The following MACROD2 variants were observed in gnomAD, a reference collection of about 807,000 sequenced individuals.
The protein encoded by MACROD2 is ADP-ribose glycohydrolase MACROD2.
Under a neutral mutation model 70.4 loss-of-function variants are expected in MACROD2, and 36 were observed. That is an observed-to-expected ratio of 0.51 (90% confidence interval 0.39 to 0.68). MACROD2 has a LOEUF of 0.68. Among genes scored for constraint, MACROD2 ranks in the 30% least tolerant of loss-of-function variants. The pLI, the probability that MACROD2 is intolerant of heterozygous loss-of-function variation, is 0.00. For missense variants in MACROD2, 496 were observed against 538.4 expected (o/e 0.92, Z 0.78); for synonymous variants, 172 against 178.8 (o/e 0.96, Z 0.30).
intron 3 of MACROD2, among the ~76,000 whole-genome samples, chr20:14,122,800 G>C (rs1381638651): frequency 6.6e-6 from 1 of 152,184 alleles, no homozygotes; most frequent in African/African-American, 2.4e-5. Flanking sequence ...TGTTCTCCTT[G>C]ACTTTCCTAT....
At chr20:15,012,114 G>A (rs774834220) in intron 5 of MACROD2, among the ~76,000 whole-genome samples, 1 of 152,242 alleles carries the variant, frequency 6.6e-6, no homozygotes, top group East Asian at 1.9e-4. Flanking sequence ...GAACCCCAAA[G>A]GGTCACAAAA....
intron 8 of MACROD2, among the ~76,000 whole-genome samples, chr20:15,508,699 AATAG>A (rs1171867556): frequency 6.6e-6 from 1 of 152,166 alleles, no homozygotes; most frequent in African/African-American, 2.4e-5. Flanking sequence ...ATAAAACCAA[AATAG>A]ATTGATTAGG....
intron 8 of MACROD2, among the ~76,000 whole-genome samples, chr20:15,513,583 C>T (rs77239432): frequency 0.025 from 3,784 of 152,154 alleles, 56 homozygotes; most frequent in Non-Finnish European, 0.036. Context: ...TGTGCGTGCA[C>T]GTGTGTGAGA....
chr20:14,619,906 C>T (rs1411364741), intron 4 of MACROD2, among the ~76,000 whole-genome samples: 1 of 152,146 alleles, frequency 6.6e-6, no homozygotes, highest in East Asian at 1.9e-4. Flanking sequence ...AGAGCCTCCA[C>T]TGTCTGAAAT....
At chr20:15,435,792 T>G (rs551277955) in intron 7 of MACROD2, among the ~76,000 whole-genome samples, 1 of 152,232 alleles carries the variant, frequency 6.6e-6, no homozygotes, top group South Asian at 2.1e-4. Flanking sequence ...CAAAATATAA[T>G]AACTGATTCA....
At chr20:15,787,363 G>C (rs2051947400) in intron 8 of MACROD2, among the ~76,000 whole-genome samples, 1 of 151,924 alleles carries the variant, frequency 6.6e-6, no homozygotes, top group Non-Finnish European at 1.5e-5. Context: ...CTGTTACATG[G>C]GCATATTCTG....
rs115962860 is a variant in MACROD2, at chr20:15,822,744, A to C, written c.646-40001A>C. Among the ~76,000 whole-genome samples, 795 of 152,292 alleles carry C rather than the reference A, an allele frequency of 5.2e-3. 7 individuals are homozygous for C. Among genetic ancestry groups the C allele is most frequent in the African/African-American group, 0.017 (702 of 41,554 alleles). ...ATTATCCATCAATATCACATGGAATATTCAATCTGGCCTTTTGCGGGAGGA... is the reference window on the plus strand; with the variant it reads ...ATTATCCATCAATATCACATGGAATCTTCAATCTGGCCTTTTGCGGGAGGA... On this transcript the variant is annotated intron_variant, in intron 8 of 17. Transcript: ENST00000684519.
chr20:14,104,315 G>A (rs2054340325), intron 3 of MACROD2, among the ~76,000 whole-genome samples: 1 of 152,174 alleles, frequency 6.6e-6, no homozygotes, highest in African/African-American at 2.4e-5. Flanking sequence ...GTAACTTGGT[G>A]GTGGGTAGCC....
chr20:15,969,775 A>T (rs547044333), intron 13 of MACROD2, among the ~76,000 whole-genome samples: 10 of 152,260 alleles, frequency 6.6e-5, no homozygotes, highest in Non-Finnish European at 1.2e-4. Context: ...GGGCAGAAGC[A>T]ATAGTTGAAG....
At chr20:15,129,177 A>T (rs980625483) in intron 5 of MACROD2, among the ~76,000 whole-genome samples, 1 of 152,036 alleles carries the variant, frequency 6.6e-6, no homozygotes, top group African/African-American at 2.4e-5. Flanking sequence ...ATTTTGGAAA[A>T]TTTTTTAAAA....
At chr20:15,168,975 G>T (rs2076405131) in intron 5 of MACROD2, among the ~76,000 whole-genome samples, 1 of 152,138 alleles carries the variant, frequency 6.6e-6, no homozygotes, top group African/African-American at 2.4e-5. Flanking sequence ...GAGGTAGAAG[G>T]TAGAATGGTG....
chr20:14,450,629 C>T (rs570988538), intron 3 of MACROD2, among the ~76,000 whole-genome samples: 74 of 151,782 alleles, frequency 4.9e-4, no homozygotes, highest in Non-Finnish European at 8.5e-4. Context: ...ATGTTATGAC[C>T]CTAAGGAGTT....
chr20:15,256,354 T>C (rs2077199479), intron 6 of MACROD2, among the ~76,000 whole-genome samples: 2 of 152,068 alleles, frequency 1.3e-5, no homozygotes, highest in Admixed American at 6.6e-5. Flanking sequence ...TATTGCCTTG[T>C]TCTAGAGTTC....
At chr20:15,801,601 T>C (rs879164210) in intron 8 of MACROD2, among the ~76,000 whole-genome samples, 3 of 152,272 alleles carry the variant, frequency 2.0e-5, no homozygotes, top group Admixed American at 2.0e-4. Flanking sequence ...TGGGTTACTA[T>C]AGGTTTGTAG....
At chr20:15,217,727 G>A (rs1358544951) in intron 5 of MACROD2, among the ~76,000 whole-genome samples, 2 of 152,028 alleles carry the variant, frequency 1.3e-5, no homozygotes, top group African/African-American at 2.4e-5. Context: ...CATGACAACA[G>A]TATATTATCA....
intron 5 of MACROD2, among the ~76,000 whole-genome samples, chr20:15,062,701 C>T (rs536996563): frequency 1.3e-5 from 2 of 152,274 alleles, no homozygotes; most frequent in South Asian, 4.2e-4. Flanking sequence ...GACATAGTTC[C>T]AAGCACTAGG....
At chr20:15,464,568 A>G (rs534495929) in intron 7 of MACROD2, among the ~76,000 whole-genome samples, 8 of 152,262 alleles carry the variant, frequency 5.3e-5, no homozygotes, top group Non-Finnish European at 1.0e-4. Flanking sequence ...TGTTTAATTT[A>G]TATGTTAACC....
chr20:14,057,243 C>A (rs1367197695), intron 2 of MACROD2, among the ~76,000 whole-genome samples: 5 of 152,264 alleles, frequency 3.3e-5, no homozygotes, highest in African/African-American at 2.4e-5. Flanking sequence ...ACAGGACACA[C>A]AACTCACAGG....
At chr20:15,461,006 A>ATATAT in intron 7 of MACROD2, among the ~76,000 whole-genome samples, 27 of 67,010 alleles carry the variant, frequency 4.0e-4, no homozygotes, top group East Asian at 3.1e-3. Context: ...ATATATATAT[A>ATATAT]TTTTTTTTTA....
Sources: gnomAD v4.1 joint callset for allele counts (sites outside exome capture counted in the v4.1 genomes callset) on GRCh38, gnomAD v4.1.1 for gene constraint, MANE v1.5 for transcripts, NCBI Gene and HGNC (gene_info 2026-07-23, HGNC 2026-07-21) for gene names.